The following OPHN1 variants were observed in gnomAD, a reference collection of about 807,000 sequenced individuals.
OPHN1 encodes oligophrenin 1.
A neutral mutation model predicts 60.7 loss-of-function variants in OPHN1; 11 were observed. That is an observed-to-expected ratio of 0.18 (90% CI 0.11 to 0.30). The LOEUF (loss-of-function observed/expected upper bound fraction) is 0.30, where lower values mean the gene tolerates loss of function less well. OPHN1 is among the 10% of genes least tolerant of loss of function. The pLI is 1.00. For synonymous variants in OPHN1, 226 were observed against 222.6 expected (o/e 1.02, Z -0.14); for missense variants, 449 against 611.0 (o/e 0.73, Z 2.80).
chrX:68,242,688 T>C (rs1285541017), intron 5 of OPHN1, among the ~76,000 whole-genome samples: 3 of 111,165 alleles, frequency 2.7e-5, no homozygotes, highest in Non-Finnish European at 5.7e-5. Flanking sequence ...AATTGATAAA[T>C]GGACAAAAAA....
At chrX:68,224,232 T>C (rs1386816990) in intron 6 of OPHN1, among the ~76,000 whole-genome samples, 5 of 112,036 alleles carry the variant, frequency 4.5e-5, no homozygotes, top group African/African-American at 1.6e-4. Context: ...TCTAAAAGAA[T>C]AGAAATCTTA....
chrX:68,307,791 A>G (rs1191873028), intron 2 of OPHN1, among the ~76,000 whole-genome samples: 1 of 111,512 alleles, frequency 9.0e-6, no homozygotes, highest in Non-Finnish European at 1.9e-5. Flanking sequence ...ATTTGCACCT[A>G]GTTTTTAACT....
intron 15 of OPHN1, among the ~76,000 whole-genome samples, chrX:68,124,553 C>CT (rs2077162388): frequency 9.0e-6 from 1 of 111,559 alleles, no homozygotes; most frequent in African/African-American, 3.3e-5. Flanking sequence ...CCAAATGGAT[C>CT]TAGTAGATAT....
At position 68,111,965 on chromosome X, in the gene OPHN1, A is replaced by G; in HGVS notation, c.1421-6T>C. On this transcript the variant is annotated splice_region_variant and splice_polypyrimidine_tract_variant and intron_variant, in intron 17 of 24. Transcript: ENST00000355520. ...GTAATCCAGGTTGTCAGACTCTGGG[A>G]TAGAACAGTAAGAGATAAATGGTTT... is the stretch of plus-strand genomic sequence containing the variant. 1 of 1,144,723 alleles carries G rather than the reference A, an allele frequency of 8.7e-7. No homozygotes were observed. Among genetic ancestry groups the G allele is most frequent in the East Asian group, 3.0e-5 (1 of 33,560 alleles). The allele number at this position is 1,144,723 out of a possible 1,213,427, so 94.3% of individuals were successfully genotyped here.
chrX:68,302,588 C>CAAA (rs1211598176), intron 2 of OPHN1, among the ~76,000 whole-genome samples: 2 of 92,422 alleles, frequency 2.2e-5, no homozygotes, highest in Non-Finnish European at 4.3e-5. Context: ...GACTCTATCT[C>CAAA]AAAAAAAAAA....
rs1021245697 is a variant in OPHN1, at chrX:68,103,916, G to A, written c.1527-6887C>T. Among the ~76,000 whole-genome samples, 3 of 111,835 alleles carry A rather than the reference G, an allele frequency of 2.7e-5. No individual in the cohort carries two copies. The East Asian group carries it at 8.4e-4, about 31-fold the overall frequency. On this transcript the variant is annotated intron_variant, in intron 18 of 24. Coordinates refer to ENST00000355520, the MANE Select transcript of OPHN1 (RefSeq NM_002547.3). ...TGCATATGACATGATTGTATATTTA[G>A]AAAACCCCATGGTCTCAGCCCAAAA... is the stretch of plus-strand genomic sequence containing the variant.
intron 5 of OPHN1, among the ~76,000 whole-genome samples, chrX:68,263,519 AT>A (rs2147570454): frequency 8.9e-6 from 1 of 112,207 alleles, no homozygotes; most frequent in Non-Finnish European, 1.9e-5. Flanking sequence ...ATGAAAGAAA[AT>A]TTTTTAGCAC....
intron 15 of OPHN1, among the ~76,000 whole-genome samples, chrX:68,153,612 CTTTCTT>C (rs1403182951): frequency 8.9e-6 from 1 of 111,870 alleles, no homozygotes; most frequent in African/African-American, 3.3e-5. Flanking sequence ...GCATGTGTTG[CTTTCTT>C]TTTGTTACTG....
chrX:68,307,216 C>T (rs2078149205), intron 2 of OPHN1, among the ~76,000 whole-genome samples: 3 of 109,763 alleles, frequency 2.7e-5, no homozygotes, highest in Admixed American at 9.8e-5. Flanking sequence ...CTGAGGCATG[C>T]GGATTGCCTG....
At chrX:68,409,756 A>T (rs2147776377) in intron 2 of OPHN1, among the ~76,000 whole-genome samples, 1 of 112,398 alleles carries the variant, frequency 8.9e-6, no homozygotes, top group African/African-American at 3.2e-5. Context: ...AAAAACCAGA[A>T]CTTGGAAATT....
At chrX:68,106,940 G>C in intron 18 of OPHN1, among the ~76,000 whole-genome samples, 1 of 111,961 alleles carries the variant, frequency 8.9e-6, no homozygotes, top group Non-Finnish European at 1.9e-5. Context: ...ACAGTTGAAA[G>C]AGTGGTACTA....
chrX:68,165,373 G>C, intron 15 of OPHN1, among the ~76,000 whole-genome samples: 1 of 104,686 alleles, frequency 9.6e-6, no homozygotes, highest in Non-Finnish European at 1.9e-5. Flanking sequence ...GACCCTAAGA[G>C]ATGATGGTAG....
At chrX:68,072,030 G>C (rs1266308173) in intron 20 of OPHN1, among the ~76,000 whole-genome samples, 3 of 111,869 alleles carry the variant, frequency 2.7e-5, no homozygotes, top group African/African-American at 9.7e-5. Context: ...ATTGCCAATG[G>C]ATTCAATATG....
intron 2 of OPHN1, among the ~76,000 whole-genome samples, chrX:68,426,901 A>C (rs1168149342): frequency 2.0e-5 from 2 of 101,128 alleles, no homozygotes; most frequent in Non-Finnish European, 4.0e-5. Flanking sequence ...CAAAAAAAAA[A>C]AAACAAAAAC....
At position 68,271,089 on chromosome X, in the gene OPHN1, T is replaced by C. The variant is rs144779357; in HGVS notation, c.384+3649A>G. On this transcript the variant is annotated intron_variant, in intron 5 of 24. Coordinates refer to ENST00000355520, the MANE Select transcript of OPHN1 (RefSeq NM_002547.3). ...TCACAAAGCCAGCTAGCAGCAGTGC[T>C]GGGTATACCAGGCTAAGTCCAATCA... Among the ~76,000 whole-genome samples the C allele has an allele frequency of 3.3e-4, 37 of 111,795 alleles. No individual in the cohort carries two copies. In the East Asian group the frequency reaches 8.7e-3, roughly 26 times the overall value.
chrX:68,259,793 T>C (rs955859108), intron 5 of OPHN1, among the ~76,000 whole-genome samples: 3 of 111,316 alleles, frequency 2.7e-5, no homozygotes, highest in Non-Finnish European at 5.6e-5. Flanking sequence ...AACCAGTATA[T>C]TATGTAAAAC....
At chrX:68,324,401 A>C (rs1486169825) in intron 2 of OPHN1, among the ~76,000 whole-genome samples, 2 of 107,317 alleles carry the variant, frequency 1.9e-5, no homozygotes, top group East Asian at 6.0e-4. Context: ...CCAGGAGTTC[A>C]AGATGAGCCT....
intron 20 of OPHN1, among the ~76,000 whole-genome samples, chrX:68,068,557 T>C (rs769202786): frequency 9.8e-6 from 1 of 101,823 alleles, no homozygotes; most frequent in African/African-American, 3.5e-5. Context: ...ACCGACCATA[T>C]AACCTACAAT....
intron 2 of OPHN1, among the ~76,000 whole-genome samples, chrX:68,317,509 AAGAG>A (rs1204107386): frequency 1.6e-5 from 1 of 60,916 alleles, no homozygotes; most frequent in Non-Finnish European, 2.8e-5. Flanking sequence ...GAGGGAGGGA[AAGAG>A]AGAGAGAAAG....
Sources: gnomAD v4.1 joint callset for allele counts (sites outside exome capture counted in the v4.1 genomes callset) on GRCh38, gnomAD v4.1.1 for gene constraint, MANE v1.5 for transcripts, NCBI Gene and HGNC (gene_info 2026-07-23, HGNC 2026-07-21) for gene names.